Variants in CFAP251 observed in about 807,000 individuals in gnomAD.
The protein encoded by CFAP251 is cilia- and flagella-associated protein 251.
Under a neutral mutation model 126.7 loss-of-function variants are expected in CFAP251, and 93 were observed. The ratio of observed to expected loss-of-function variants is 0.73; its 90% CI spans 0.62 to 0.87. The LOEUF (loss-of-function observed/expected upper bound fraction) is 0.87, where lower values mean the gene tolerates loss of function less well. CFAP251 is among the 40% of genes least tolerant of loss of function. The probability of loss-of-function intolerance (pLI) is 0.00; values close to 1 mark genes in which losing one functional copy is unlikely to be tolerated. For synonymous variants in CFAP251, 503 were observed against 506.9 expected, an observed-to-expected ratio of 0.99 and a Z score of 0.10; for missense variants, 1,287 against 1,389.2, an observed-to-expected ratio of 0.93 and a Z score of 1.17.
rs775198744 is a variant in CFAP251, at chr12:121,975,611, G to T, written c.2932G>T (p.Val978Leu). The T allele has an allele frequency of 1.2e-6, 2 of 1,603,650 alleles. No homozygotes were observed. The highest frequency in any genetic ancestry group is 1.7e-6 in the Non-Finnish European group (2 of 1,177,370). ...QGIDTMETRK[V>L]SEHICLSELP... ...CATCGACACAATGGAGACCAGAAAG[G>T]TGTCAGAACACATTTGCCTGTCAGA... is the stretch of plus-strand genomic sequence containing the variant. The change falls in exon 19 of 22, where the codon GTG becomes TTG. Residue 978 changes from valine (V) to leucine (L), a missense_variant. Physicochemically the swap from Val to Leu is conservative, Grantham distance 32. Coordinates refer to ENST00000288912, the MANE Select transcript of CFAP251 (RefSeq NM_144668.6).
chr12:121,999,514 T>G, intron 19 of CFAP251: 2 of 445,512 alleles, frequency 4.5e-6, no homozygotes, highest in Non-Finnish European at 8.2e-6. Flanking sequence ...TTTTGTATTT[T>G]TAGTAGAGAC....
At chr12:121,972,878 T>C (rs1235177201) in intron 17 of CFAP251, among the ~76,000 whole-genome samples, 1 of 152,196 alleles carries the variant, frequency 6.6e-6, no homozygotes, top group Non-Finnish European at 1.5e-5. Context: ...AAGCAGAGCA[T>C]AAAAGTTTGG....
intron 19 of CFAP251, among the ~76,000 whole-genome samples, chr12:121,988,377 A>G (rs1162930784): frequency 1.3e-5 from 2 of 152,156 alleles, no homozygotes; most frequent in East Asian, 1.9e-4. Flanking sequence ...CCCCAGACCC[A>G]TGAGCACTCA....
chr12:121,929,711 T>C (rs1380262087), intron 3 of CFAP251, among the ~76,000 whole-genome samples: 2 of 151,180 alleles, frequency 1.3e-5, no homozygotes, highest in African/African-American at 2.4e-5. Flanking sequence ...AGGGTCTTGC[T>C]CTGTTGCCCA....
Position 121,931,770 on chromosome 12 carries a change from A to G in CFAP251, c.772A>G (p.Asn258Asp). Residue 258 changes from asparagine to aspartate, a missense_variant, in exon 4 of 22, where the codon AAC becomes GAC. Physicochemically the swap from Asn to Asp is conservative, Grantham distance 23. Transcript: ENST00000288912. The part of the protein sequence containing the change: ...PLTMTWSFGW[N>D]SSLPVYYIRE... ...GACCATGACCTGGTCGTTTGGATGG[A>G]ACAGTTCTCTTCCTGTTTACTATAT... The G allele has an allele frequency of 6.3e-7, 1 of 1,595,538 alleles. No individual in the cohort carries two copies.
intron 19 of CFAP251, among the ~76,000 whole-genome samples, chr12:121,979,497 C>T (rs760579334): frequency 6.7e-6 from 1 of 148,940 alleles, no homozygotes; most frequent in Non-Finnish European, 1.5e-5. Flanking sequence ...ACTGCGGAGC[C>T]GCCGACATTT....
At chr12:121,969,350 A>G in intron 17 of CFAP251, 1 of 985,404 alleles carries the variant, frequency 1.0e-6, no homozygotes, top group South Asian at 4.7e-5. Flanking sequence ...TTGAGGATTT[A>G]GGAGCTGGAG....
chr12:121,990,902 A>G (rs1468758490), intron 19 of CFAP251, among the ~76,000 whole-genome samples: 1 of 152,170 alleles, frequency 6.6e-6, no homozygotes, highest in African/African-American at 2.4e-5. Flanking sequence ...GCATCTCTTC[A>G]CATGGCCCAG....
chr12:121,928,638 G>GTATATATA (rs57700530), intron 3 of CFAP251, among the ~76,000 whole-genome samples: 6 of 33,346 alleles, frequency 1.8e-4, no homozygotes, highest in African/African-American at 2.8e-4. Context: ...ATATATATAC[G>GTATATATA]TATATATATA....
At chr12:121,957,870 C>T (rs764544245) in intron 11 of CFAP251, among the ~76,000 whole-genome samples, 3 of 152,068 alleles carry the variant, frequency 2.0e-5, no homozygotes, top group Non-Finnish European at 4.4e-5. Flanking sequence ...CTAGCCACTG[C>T]AGTTAAAGGC....
At chr12:121,967,732 G>A (rs187099199) in intron 16 of CFAP251, among the ~76,000 whole-genome samples, 149 of 152,334 alleles carry the variant, frequency 9.8e-4, no homozygotes, top group African/African-American at 3.2e-3. Flanking sequence ...CATAGGTTGT[G>A]AGATGTATTC....
chr12:121,928,658 G>GTATATA lies in CFAP251; in HGVS notation c.748-3083_748-3078dup, dbSNP rs1259216748. On this transcript the variant is annotated intron_variant, in intron 3 of 21. Coordinates refer to ENST00000288912, the MANE Select transcript of CFAP251 (RefSeq NM_144668.6). ...TATACGTATATATATATATATATAC[G>GTATATA]TATATATATACGTATATATATATAT... Among the ~76,000 whole-genome samples, 112 of 26,740 alleles carry GTATATA rather than the reference G, an allele frequency of 4.2e-3. 5 individuals carry two copies. The highest frequency in any genetic ancestry group is 6.1e-3 in the Non-Finnish European group (30 of 4,904). 17.5% of individuals were successfully genotyped at this position (26,740 alleles called of 152,430 possible). A position where few individuals can be genotyped will look rare whatever the true frequency, so the allele number is the denominator to read the frequency against.
intron 13 of CFAP251, 39 bp from the exon 14 acceptor site, chr12:121,960,546 G>A (rs61952865): frequency 1.6e-4 from 259 of 1,607,956 alleles, no homozygotes; most frequent in Middle Eastern, 8.3e-4. Context: ...TTTACTAAAC[G>A]TAAAATGGGA....
chr12:121,962,132 A>G lies in CFAP251; in HGVS notation c.2462A>G (p.Lys821Arg). The change falls in exon 15 of 22, where the codon AAG becomes AGG. Residue 821 changes from lysine to arginine, a missense_variant. Transcript: ENST00000288912. ...ATTTGCAACAGTGGCTACAAAGTGA[A>G]GCTTTTTAATGCTACTACCAAAATG... ...LLICNSGYKV[K>R]LFNATTKMCR... The G allele has an allele frequency of 6.2e-7, 1 of 1,613,766 alleles. No individual in the cohort carries two copies. The highest frequency in any genetic ancestry group is 1.1e-5 in the South Asian group (1 of 91,050).
At position 121,989,608 on chromosome 12, in the gene CFAP251, C is replaced by T. The variant is rs1468303707; in HGVS notation, c.3007-10108C>T. Among the ~76,000 whole-genome samples the T allele has an allele frequency of 6.6e-6, 1 of 152,178 alleles. No homozygotes were observed. The highest frequency in any genetic ancestry group is 2.4e-5 in the African/African-American group (1 of 41,454). ...CCTGCCCCGGGTCAGCGAGGAGATG[C>T]AGGGGGTGACCAGGGGAGGGTATGA... On this transcript the variant is annotated intron_variant, in intron 19 of 21. Coordinates refer to ENST00000288912, the MANE Select transcript of CFAP251 (RefSeq NM_144668.6). The surrounding 1 kb of genome is among the most constrained non-coding windows in gnomAD (Gnocchi z 4.2).
chr12:121,948,864 C>T, intron 7 of CFAP251, 120 bp from the exon 8 acceptor site: 1 of 575,746 alleles, frequency 1.7e-6, no homozygotes. Flanking sequence ...AATGCGGTAT[C>T]TTTTCTGTTT....
rs767159828 is a variant in CFAP251 at position 121,942,514 on chromosome 12, C to T, written c.999-20C>T. On this transcript the variant is annotated intron_variant, in intron 5 of 21. Transcript: ENST00000288912. ...CAGGGAGACCTCAGCAAGTGTCGCC[C>T]CCCTTGTCCTGTTTTGCAGTATTCC... 1.3e-6 allele frequency: 2 copies of T among 1,583,774 alleles called. No individual in the cohort carries two copies. The highest frequency in any genetic ancestry group is 1.7e-6 in the Non-Finnish European group (2 of 1,154,702).
rs139382413 is a variant in CFAP251 at position 121,951,668 on chromosome 12, G to T, written c.1320+138G>T. 2.4e-4 allele frequency: 140 copies of T among 576,364 alleles called. No individual in the cohort carries two copies. The East Asian group carries it at 3.7e-3, about 15-fold the overall frequency. 35.7% of individuals were successfully genotyped at this position (576,364 alleles called of 1,614,324 possible). On this transcript the variant is annotated intron_variant, in intron 9 of 21. Coordinates refer to ENST00000288912, the MANE Select transcript of CFAP251 (RefSeq NM_144668.6). ...GAAATAATTTGAAAAATTTTACTTG[G>T]GTCCTGTATACATATTGAATTGTCA...
chr12:121,999,020 T>C (rs1460968844), intron 19 of CFAP251: 1 of 152,118 alleles, frequency 6.6e-6, no homozygotes, highest in East Asian at 1.9e-4. Flanking sequence ...CTGTGGGTTT[T>C]TCACACATGC....
Sources: gnomAD v4.1 joint callset for allele counts (sites outside exome capture counted in the v4.1 genomes callset) on GRCh38, gnomAD v4.1.1 for gene constraint, Gnocchi (gnomAD v3.1) non-coding constraint, MANE v1.5 for transcripts, NCBI Gene and HGNC (gene_info 2026-07-23, HGNC 2026-07-21) for gene names.